The following DMD variants were observed in gnomAD, a reference collection of about 807,000 sequenced individuals.
The protein encoded by DMD is dystrophin, also known as mutant dystrophin.
DMD carries 63 observed loss-of-function variants against 330.1 expected under a neutral mutation model. That is an observed-to-expected ratio of 0.19 (90% CI 0.16 to 0.24). The LOEUF is 0.24. Among genes scored for constraint, DMD ranks in the 10% least tolerant of loss-of-function variants. The pLI is 1.00. For missense variants in DMD, 3,344 were observed against 2,684.1 expected (o/e 1.25, Z -5.43); for synonymous variants, 1,223 against 959.8 (o/e 1.27, Z -5.07).
At chrX:33,327,683 A>G (rs1325204649) in intron 1 of DMD, among the ~76,000 whole-genome samples, 3 of 111,914 alleles carry the variant, frequency 2.7e-5, no homozygotes, top group African/African-American at 9.7e-5. Flanking sequence ...TGGCAGAAGA[A>G]CTAAAGGCAG....
intron 47 of DMD, among the ~76,000 whole-genome samples, chrX:31,889,645 T>TCACACA (rs1335260703): frequency 1.0e-4 from 7 of 67,616 alleles, no homozygotes; most frequent in African/African-American, 4.4e-4. Context: ...TCTCTCTCTC[T>TCACACA]CTCACACACA....
At chrX:33,298,655 A>G (rs999001188) in intron 1 of DMD, among the ~76,000 whole-genome samples, 1 of 111,727 alleles carries the variant, frequency 9.0e-6, no homozygotes, top group Non-Finnish European at 1.9e-5. Flanking sequence ...CTCTGTGCCT[A>G]TCCTAATAAG....
At chrX:32,349,861 G>C (rs1015493725) in intron 37 of DMD, among the ~76,000 whole-genome samples, 1 of 111,404 alleles carries the variant, frequency 9.0e-6, no homozygotes, top group African/African-American at 3.2e-5. Flanking sequence ...ATTTGAACCA[G>C]TATAGATTGG....
intron 52 of DMD, among the ~76,000 whole-genome samples, chrX:31,682,235 G>GT (rs905793863): frequency 1.6e-4 from 18 of 111,965 alleles, no homozygotes; most frequent in South Asian, 7.4e-4. Flanking sequence ...ATAGACTACT[G>GT]TTTTTTTATC....
At chrX:32,152,815 G>A (rs1420315657) in intron 44 of DMD, among the ~76,000 whole-genome samples, 1 of 111,526 alleles carries the variant, frequency 9.0e-6, no homozygotes, top group African/African-American at 3.3e-5. Context: ...ACTCTGGCAC[G>A]TTTAAACATA....
intron 18 of DMD, among the ~76,000 whole-genome samples, chrX:32,507,380 T>C (rs1246779616): frequency 1.8e-5 from 2 of 111,883 alleles, no homozygotes; most frequent in African/African-American, 6.5e-5. Context: ...GAGAACACTA[T>C]GTGGTCTTTA....
chrX:33,092,485 A>G (rs2095098594), intron 1 of DMD, among the ~76,000 whole-genome samples: 1 of 111,761 alleles, frequency 8.9e-6, no homozygotes, highest in Non-Finnish European at 1.9e-5. Context: ...ATACAAAAAA[A>G]TTCCCTTTTC....
chrX:32,581,014 T>C (rs2053597172), intron 13 of DMD, among the ~76,000 whole-genome samples: 1 of 110,790 alleles, frequency 9.0e-6, no homozygotes, highest in Non-Finnish European at 1.9e-5. Flanking sequence ...TTAGTAGAGA[T>C]GGGGTTTCAC....
At chrX:32,231,205 AACTT>A (rs1387559577) in intron 43 of DMD, among the ~76,000 whole-genome samples, 1 of 112,606 alleles carries the variant, frequency 8.9e-6, no homozygotes, top group African/African-American at 3.2e-5. Flanking sequence ...AAAAAAATTT[AACTT>A]ACTTTTTTCT....
intron 1 of DMD, among the ~76,000 whole-genome samples, chrX:33,304,183 A>C (rs2148941213): frequency 9.0e-6 from 1 of 111,707 alleles, no homozygotes; most frequent in East Asian, 2.8e-4. Context: ...AGGCTACAGT[A>C]ACCAAAACAG....
chrX:32,161,257 A>G (rs188489968), intron 44 of DMD, among the ~76,000 whole-genome samples: 2 of 111,806 alleles, frequency 1.8e-5, no homozygotes, highest in Non-Finnish European at 3.8e-5. Flanking sequence ...TAGCTGCAGG[A>G]ACACTAAATT....
chrX:32,139,962 A>C (rs1048970102), intron 44 of DMD, among the ~76,000 whole-genome samples: 3 of 112,361 alleles, frequency 2.7e-5, no homozygotes, highest in Admixed American at 9.5e-5. Context: ...TGCTATATCA[A>C]CAGGATTTTA....
chrX:31,130,792 C>G (rs1164940675), intron 77 of DMD, among the ~76,000 whole-genome samples: 2 of 111,912 alleles, frequency 1.8e-5, no homozygotes, highest in Non-Finnish European at 3.8e-5. Flanking sequence ...GAAAGGTTAG[C>G]TGACACCTTC....
At chrX:32,778,411 G>C (rs192544775) in intron 7 of DMD, among the ~76,000 whole-genome samples, 258 of 111,295 alleles carry the variant, frequency 2.3e-3, no homozygotes, top group African/African-American at 8.2e-3. Context: ...AAGTACAACA[G>C]ACCAGAGCTA....
chrX:31,361,770 CTTTTTTTTT>C (rs1174751121), intron 60 of DMD, among the ~76,000 whole-genome samples: 1 of 93,418 alleles, frequency 1.1e-5, no homozygotes, highest in Non-Finnish European at 2.1e-5. Flanking sequence ...CTCTTACCAT[CTTTTTTTTT>C]TTTTTTTTTT....
chrX:32,894,685 T>A (rs767577721), intron 2 of DMD, among the ~76,000 whole-genome samples: 54 of 112,386 alleles, frequency 4.8e-4, no homozygotes, highest in African/African-American at 1.7e-3. Flanking sequence ...CCAGATTCCG[T>A]AGCTCGGAAA....
At chrX:32,879,960 C>A (rs765540032) in intron 2 of DMD, among the ~76,000 whole-genome samples, 10 of 111,053 alleles carry the variant, frequency 9.0e-5, no homozygotes, top group Non-Finnish European at 1.7e-4. Flanking sequence ...GAGTGACCTC[C>A]ACACCTGTAC....
intron 2 of DMD, among the ~76,000 whole-genome samples, chrX:32,944,717 G>GC (rs1444846782): frequency 9.2e-6 from 1 of 108,697 alleles, no homozygotes; most frequent in Non-Finnish European, 1.9e-5. Flanking sequence ...CGATTCTCCT[G>GC]CCGCAGCCTC....
intron 13 of DMD, among the ~76,000 whole-genome samples, chrX:32,579,005 ACTTACT>A (rs952170149): frequency 9.0e-6 from 1 of 111,319 alleles, no homozygotes; most frequent in Non-Finnish European, 1.9e-5. Flanking sequence ...CGTATAAGCA[ACTTACT>A]CTTACTGATG....
Sources: allele counts gnomAD v4.1 joint callset (sites outside exome capture counted in the v4.1 genomes callset), GRCh38; gene constraint gnomAD v4.1.1; transcripts MANE v1.5; gene names NCBI Gene and HGNC (gene_info 2026-07-23, HGNC 2026-07-21).